Variants in CSRNP2 observed in about 807,000 individuals in gnomAD.
The protein encoded by CSRNP2 is cysteine and serine rich nuclear protein 2.
CSRNP2 carries 11 observed loss-of-function variants against 36.6 expected under a neutral mutation model. The observed-to-expected ratio is 0.30, with a 90% CI of 0.19 to 0.50. The LOEUF is 0.50. Ranked by LOEUF, CSRNP2 falls within the 20% of genes least tolerant of loss-of-function variation. The probability of loss-of-function intolerance (pLI) is 0.98; values close to 1 mark genes in which losing one functional copy is unlikely to be tolerated. For synonymous variants in CSRNP2, 248 were observed against 275.3 expected, an observed-to-expected ratio of 0.90 and a Z score of 0.98; for missense variants, 483 against 691.4, an observed-to-expected ratio of 0.70 and a Z score of 3.38.
intron 2 of CSRNP2, 149 bp downstream of exon 2, chr12:51,076,262 C>T (rs1362660559): frequency 8.8e-6 from 7 of 798,928 alleles, no homozygotes; most frequent in Middle Eastern, 3.8e-4. Context: ...CTTTAGTCTA[C>T]GGTATGAGAG....
intron 3 of CSRNP2, among the ~76,000 whole-genome samples, chr12:51,072,097 T>C (rs1278729015): frequency 6.6e-6 from 1 of 152,204 alleles, no homozygotes; most frequent in Non-Finnish European, 1.5e-5. Flanking sequence ...CTCATGACTC[T>C]GGAAATAATG....
At chr12:51,079,030 A>C (rs1056734206) in intron 1 of CSRNP2, among the ~76,000 whole-genome samples, 1 of 152,218 alleles carries the variant, frequency 6.6e-6, no homozygotes, top group African/African-American at 2.4e-5. Flanking sequence ...ACACCATGGA[A>C]TACTATGCAG....
rs1401542319 is a variant in CSRNP2 at position 51,083,366 on chromosome 12, T to G, written c.-114A>C. ...GCCCCGCCGCAGCTGCCTCCTCCCG[T>G]GATGGTCTCTGCCGCCCCCGCTGCC... On this transcript the variant is annotated 5_prime_UTR_variant, in exon 1 of 5. Coordinates refer to ENST00000228515, the MANE Select transcript of CSRNP2 (RefSeq NM_030809.3). 6.5e-6 allele frequency: 1 copy of G among 154,224 alleles called. No individual in the cohort carries two copies. The highest frequency in any genetic ancestry group is 6.5e-5 in the Admixed American group (1 of 15,304). 9.6% of individuals were successfully genotyped at this position (154,224 alleles called of 1,614,324 possible).
intron 1 of CSRNP2, among the ~76,000 whole-genome samples, chr12:51,077,795 C>T (rs1939454940): frequency 6.6e-6 from 1 of 152,166 alleles, no homozygotes; most frequent in Non-Finnish European, 1.5e-5. Context: ...AAGAAATCAG[C>T]AAGGGGAAAA....
At chr12:51,070,690 A>G (rs915019342) in intron 3 of CSRNP2, among the ~76,000 whole-genome samples, 5 of 152,240 alleles carry the variant, frequency 3.3e-5, no homozygotes, top group African/African-American at 1.2e-4. Context: ...AATACAAAAA[A>G]TGAAATAAAA....
chr12:51,073,208 G>GAC, intron 3 of CSRNP2, among the ~76,000 whole-genome samples: 1 of 151,386 alleles, frequency 6.6e-6, no homozygotes, highest in East Asian at 2.0e-4. Context: ...GACAGAGAGA[G>GAC]ACCCTGTCTC....
At chr12:51,070,871 A>G (rs868018698) in intron 3 of CSRNP2, among the ~76,000 whole-genome samples, 11 of 152,136 alleles carry the variant, frequency 7.2e-5, no homozygotes, top group South Asian at 2.1e-4. Flanking sequence ...GCAGTGGCGC[A>G]TGACTGTTAT....
chr12:51,082,301 A>G (rs1160363217), intron 1 of CSRNP2, among the ~76,000 whole-genome samples: 1 of 151,286 alleles, frequency 6.6e-6, no homozygotes, highest in East Asian at 1.9e-4. Context: ...CACCACCCCC[A>G]CTCCCCGATT....
intron 1 of CSRNP2, among the ~76,000 whole-genome samples, chr12:51,077,977 C>T (rs1304541458): frequency 1.3e-5 from 2 of 152,202 alleles, no homozygotes; most frequent in Non-Finnish European, 2.9e-5. Context: ...ATCTGCTCAG[C>T]AGAAATGCTG....
rs993587183 is a variant in CSRNP2, at chr12:51,061,957, C to T, written c.*1789G>A. 1 of 152,074 alleles carries T rather than the reference C, an allele frequency of 6.6e-6. No homozygotes were observed. The highest frequency in any genetic ancestry group is 1.5e-5 in the Non-Finnish European group (1 of 68,022). The allele number at this position is 152,074 out of a possible 1,614,324, so 9.4% of individuals were successfully genotyped here. On this transcript the variant is annotated 3_prime_UTR_variant, in exon 5 of 5. Coordinates refer to ENST00000228515, the MANE Select transcript of CSRNP2 (RefSeq NM_030809.3). Reference sequence around the variant, plus strand: ...GTTCAGTTCTGGGTAGCTTCGAGAGCTCAGGTACTTAAAAGACTCTCAACT... The same window carrying T: ...GTTCAGTTCTGGGTAGCTTCGAGAGTTCAGGTACTTAAAAGACTCTCAACT...
chr12:51,065,008 T>G (rs1039857621), intron 4 of CSRNP2, among the ~76,000 whole-genome samples: 4 of 152,208 alleles, frequency 2.6e-5, no homozygotes, highest in Non-Finnish European at 1.5e-5. Flanking sequence ...CTTCTCTGAA[T>G]GCTGATAGTT....
Position 51,063,759 on chromosome 12 carries a change from G to C in CSRNP2, c.1619C>G (p.Pro540Arg). 1 of 1,562,424 alleles carries C rather than the reference G, an allele frequency of 6.4e-7. No homozygotes were observed. Among genetic ancestry groups the C allele is most frequent in the Non-Finnish European group, 8.7e-7 (1 of 1,153,920 alleles). Residue 540 changes from proline to arginine, a missense_variant, in exon 5 of 5, where the codon CCT becomes CGT. Coordinates refer to ENST00000228515, the MANE Select transcript of CSRNP2 (RefSeq NM_030809.3). The part of the protein sequence containing the change: ...RPPEDSSLEL[P>R]LAV Reference sequence around the variant, plus strand: ...CTCTAGCGCCTGTCACACTGCCAGAGGGAGTTCTAAGGAAGAATCTTCAGG... The same window carrying C: ...CTCTAGCGCCTGTCACACTGCCAGACGGAGTTCTAAGGAAGAATCTTCAGG...
chr12:51,074,144 G>A (rs954814735), intron 2 of CSRNP2, 62 bp from the exon 3 acceptor site: 2 of 1,517,598 alleles, frequency 1.3e-6, no homozygotes, highest in African/African-American at 1.4e-5. Flanking sequence ...TAGAGATGGA[G>A]TCTCGCTCTG....
rs564905768 is a variant in CSRNP2 at position 51,066,078 on chromosome 12, G to A, written c.709-1409C>T. ...CTCATGCCTGTAATCCCAGTACTTC[G>A]GGAGGCTGAGGCAGGCAGATCACCT... On this transcript the variant is annotated intron_variant, in intron 4 of 4. Coordinates refer to ENST00000228515, the MANE Select transcript of CSRNP2 (RefSeq NM_030809.3). Among the ~76,000 whole-genome samples the A allele has an allele frequency of 8.5e-5, 13 of 152,240 alleles. No individual in the cohort carries two copies. In the East Asian group the frequency reaches 1.4e-3, roughly 16 times the overall value.
At chr12:51,066,271 G>A (rs1242079305) in intron 4 of CSRNP2, among the ~76,000 whole-genome samples, 1 of 152,060 alleles carries the variant, frequency 6.6e-6, no homozygotes, top group East Asian at 1.9e-4. Context: ...TGGCCTACAT[G>A]GTGAAACGCC....
rs771401904 is a variant in CSRNP2 at position 51,064,540 on chromosome 12, T to TCTCCAG, written c.832_837dup (p.Leu278_Glu279dup). ...GCTGGGCGGCTCACCTGCCGCTTGC[T>TCTCCAG]CTCCAGCTCCAGCTTCATAATGGTG... On this transcript the variant is annotated inframe_insertion, in exon 5 of 5. Coordinates refer to ENST00000228515, the MANE Select transcript of CSRNP2 (RefSeq NM_030809.3). The TCTCCAG allele has an allele frequency of 1.2e-6, 2 of 1,613,344 alleles. No individual in the cohort carries two copies. Among genetic ancestry groups the TCTCCAG allele is most frequent in the South Asian group, 2.2e-5 (2 of 90,996 alleles).
intron 4 of CSRNP2, among the ~76,000 whole-genome samples, chr12:51,065,238 T>C (rs965906283): frequency 6.6e-6 from 1 of 152,188 alleles, no homozygotes; most frequent in Non-Finnish European, 1.5e-5. Flanking sequence ...GTGGCCAATT[T>C]TTTAGCTACC....
At chr12:51,066,453 CAA>C (rs752714917) in intron 4 of CSRNP2, among the ~76,000 whole-genome samples, 24 of 78,102 alleles carry the variant, frequency 3.1e-4, no homozygotes, top group Admixed American at 4.5e-4. Flanking sequence ...GACTCCGTCT[CAA>C]AAAAAAAAAA....
In CSRNP2 at chr12:51,067,816, C is replaced by A; in HGVS notation, c.565G>T (p.Ala189Ser). 1 of 1,614,210 alleles carries A rather than the reference C, an allele frequency of 6.2e-7. No homozygotes were observed. Among genetic ancestry groups the A allele is most frequent in the South Asian group, 1.1e-5 (1 of 91,084 alleles). The change falls in exon 4 of 5, where the codon GCT becomes TCT. Residue 189 changes from alanine to serine, a missense_variant. This residue lies in a region of CSRNP2 where 206 missense variants were observed against 367.8 expected (regional missense o/e 0.56). Coordinates refer to ENST00000228515, the MANE Select transcript of CSRNP2 (RefSeq NM_030809.3). The surrounding 1 kb of genome is among the most constrained non-coding windows in gnomAD (Gnocchi z 4.1). ...PTKRRRALLRASGVHRIDAEE... is the reference protein window; with the variant it reads ...PTKRRRALLRSSGVHRIDAEE... Reference sequence around the variant, plus strand: ...GCATCAATACGGTGGACCCCAGAAGCCCTCAGCAGGGCCCGTCGCCGTTTG... The same window carrying A: ...GCATCAATACGGTGGACCCCAGAAGACCTCAGCAGGGCCCGTCGCCGTTTG...
Sources: allele counts gnomAD v4.1 joint callset (sites outside exome capture counted in the v4.1 genomes callset), GRCh38; gene constraint gnomAD v4.1.1; regional missense constraint gnomAD v4.1.1; non-coding constraint Gnocchi (gnomAD v3.1); transcripts MANE v1.5; gene names NCBI Gene and HGNC (gene_info 2026-07-23, HGNC 2026-07-21).